PTPRD: variants seen among roughly 807,000 people sequenced by gnomAD.
The protein encoded by PTPRD is protein tyrosine phosphatase receptor type D.
A neutral mutation model predicts 214.5 loss-of-function variants in PTPRD; 34 were observed. The observed-to-expected ratio is 0.16, with a 90% CI of 0.12 to 0.21. The LOEUF (loss-of-function observed/expected upper bound fraction) is 0.21, where lower values mean the gene tolerates loss of function less well. PTPRD is among the 10% of genes least tolerant of loss of function. The pLI, the probability that PTPRD is intolerant of heterozygous loss-of-function variation, is 1.00. For synonymous variants in PTPRD, 1,128 were observed against 845.7 expected (o/e 1.33, Z -5.79); for missense variants, 2,545 against 2,398.7 (o/e 1.06, Z -1.27).
At chr9:8,357,572 G>C (rs2077284438) in intron 39 of PTPRD, among the ~76,000 whole-genome samples, 1 of 152,180 alleles carries the variant, frequency 6.6e-6, no homozygotes, top group African/African-American at 2.4e-5. Flanking sequence ...TTTGGAAATG[G>C]AGAGAATGTG....
intron 14 of PTPRD, among the ~76,000 whole-genome samples, chr9:8,620,314 A>C (rs151076481): frequency 1.6e-3 from 242 of 152,204 alleles, no homozygotes; most frequent in African/African-American, 5.6e-3. Flanking sequence ...GAAGAAGCCT[A>C]AACCATTCCT....
intron 5 of PTPRD, among the ~76,000 whole-genome samples, chr9:9,768,846 G>C (rs1057459462): frequency 9.9e-5 from 15 of 152,158 alleles, no homozygotes; most frequent in Non-Finnish European, 2.1e-4. Flanking sequence ...AACGTGGTAC[G>C]AACGTAATCA....
intron 5 of PTPRD, among the ~76,000 whole-genome samples, chr9:9,832,047 T>C (rs1421855553): frequency 6.6e-6 from 1 of 151,994 alleles, no homozygotes; most frequent in Non-Finnish European, 1.5e-5. Flanking sequence ...TTTTATGTCT[T>C]TAACCTACCA....
At chr9:8,465,765 G>C in intron 31 of PTPRD, 90 bp from the exon 32 acceptor site, 1 of 1,108,934 alleles carries the variant, frequency 9.0e-7, no homozygotes, top group Non-Finnish European at 1.3e-6. Flanking sequence ...TTCAGAACTG[G>C]GAACAACCCA....
At chr9:8,813,267 G>T (rs1054732691) in intron 11 of PTPRD, among the ~76,000 whole-genome samples, 2 of 146,650 alleles carry the variant, frequency 1.4e-5, no homozygotes, top group South Asian at 2.2e-4. Flanking sequence ...GGAAGGGCGG[G>T]GGGGCAGAGG....
At chr9:8,977,401 C>G (rs1247667118) in intron 11 of PTPRD, among the ~76,000 whole-genome samples, 1 of 152,020 alleles carries the variant, frequency 6.6e-6, no homozygotes, top group African/African-American at 2.4e-5. Flanking sequence ...TTTAGTATTT[C>G]TAAATTATCT....
At chr9:8,755,099 C>A (rs1350534354) in intron 11 of PTPRD, among the ~76,000 whole-genome samples, 1 of 151,974 alleles carries the variant, frequency 6.6e-6, no homozygotes, top group Non-Finnish European at 1.5e-5. Context: ...TCATATACTG[C>A]TGGTTAGAGT....
At chr9:10,574,197 A>ATATG (rs1555547565) in intron 2 of PTPRD, among the ~76,000 whole-genome samples, 1 of 150,182 alleles carries the variant, frequency 6.7e-6, no homozygotes, top group African/African-American at 2.4e-5. Flanking sequence ...GAAATGATAG[A>ATATG]TGTGTGTGTG....
intron 4 of PTPRD, among the ~76,000 whole-genome samples, chr9:10,015,441 G>C (rs139774473): frequency 6.6e-5 from 10 of 152,034 alleles, no homozygotes; most frequent in African/African-American, 1.9e-4. Flanking sequence ...CTCATGCCTC[G>C]TTTGAAAGAA....
chr9:9,719,824 T>C lies in PTPRD; in HGVS notation c.-287+14709A>G, dbSNP rs924227758. ...GCACTGCATTCCCCTCATCCGGACA[T>C]TGGTCCTACAGTAGAAGCCTCTTGC... On this transcript the variant is annotated intron_variant, in intron 7 of 45. Coordinates refer to ENST00000381196, the MANE Select transcript of PTPRD (RefSeq NM_002839.4). 2.0e-5 allele frequency among the ~76,000 whole-genome samples: 3 copies of C among 152,294 alleles called. No homozygotes were observed. The South Asian group carries it at 6.2e-4, about 32-fold the overall frequency.
intron 2 of PTPRD, among the ~76,000 whole-genome samples, chr9:10,388,671 CA>C (rs2097980251): frequency 6.6e-6 from 1 of 151,832 alleles, no homozygotes; most frequent in African/African-American, 2.4e-5. Flanking sequence ...AAATTTGCTG[CA>C]GACACCAGCA....
chr9:8,427,156 C>T (rs77127797), intron 35 of PTPRD, among the ~76,000 whole-genome samples: 4,120 of 152,206 alleles, frequency 0.027, 73 homozygotes, highest in Middle Eastern at 0.078. Flanking sequence ...GCTATAAAAG[C>T]GGCTCAGGGA....
At chr9:10,174,698 C>CAT (rs2099235826) in intron 3 of PTPRD, among the ~76,000 whole-genome samples, 3 of 151,676 alleles carry the variant, frequency 2.0e-5, no homozygotes, top group Admixed American at 1.3e-4. Context: ...ATCATAAGTG[C>CAT]ATATATATAC....
chr9:8,536,544 A>G (rs957097435), intron 14 of PTPRD, among the ~76,000 whole-genome samples: 1 of 151,990 alleles, frequency 6.6e-6, no homozygotes, highest in African/African-American at 2.4e-5. Flanking sequence ...TCTGTTAGCC[A>G]GTACAAGGTA....
At chr9:9,075,859 C>T (rs181022160) in intron 10 of PTPRD, among the ~76,000 whole-genome samples, 13 of 151,916 alleles carry the variant, frequency 8.6e-5, no homozygotes, top group Admixed American at 6.6e-4. Context: ...TGAATAGTGC[C>T]GCAATAAACA....
chr9:9,532,942 C>G (rs1396142546), intron 8 of PTPRD, among the ~76,000 whole-genome samples: 1 of 152,178 alleles, frequency 6.6e-6, no homozygotes, highest in Non-Finnish European at 1.5e-5. Flanking sequence ...TTACCACATT[C>G]ATTCCTTCAG....
At chr9:10,215,957 G>A (rs1185782954) in intron 3 of PTPRD, among the ~76,000 whole-genome samples, 4 of 151,876 alleles carry the variant, frequency 2.6e-5, no homozygotes, top group Non-Finnish European at 5.9e-5. Context: ...TTCACACCAC[G>A]TTTTAGGCCT....
chr9:10,497,547 C>T (rs766557930), intron 2 of PTPRD, among the ~76,000 whole-genome samples: 8 of 151,804 alleles, frequency 5.3e-5, no homozygotes, highest in Non-Finnish European at 8.8e-5. Flanking sequence ...ATTTTATTTG[C>T]GCATTTAAAA....
At chr9:10,609,599 G>C (rs757409931) in intron 2 of PTPRD, among the ~76,000 whole-genome samples, 1 of 151,830 alleles carries the variant, frequency 6.6e-6, no homozygotes, top group Non-Finnish European at 1.5e-5. Context: ...AAAGAAAAAT[G>C]TGCATTTGCA....
Sources: gnomAD v4.1 joint callset for allele counts (sites outside exome capture counted in the v4.1 genomes callset) on GRCh38, gnomAD v4.1.1 for gene constraint, MANE v1.5 for transcripts, NCBI Gene and HGNC (gene_info 2026-07-23, HGNC 2026-07-21) for gene names.